The following HMCN2 variants were observed in gnomAD, a reference collection of about 807,000 sequenced individuals.
HMCN2 encodes the protein hemicentin-2.
Under a neutral mutation model 377.5 loss-of-function variants are expected in HMCN2, and 325 were observed. That is an observed-to-expected ratio of 0.86 (90% CI 0.79 to 0.94). The LOEUF (loss-of-function observed/expected upper bound fraction) is 0.94, where lower values mean the gene tolerates loss of function less well. Among genes scored for constraint, HMCN2 ranks in the 40% least tolerant of loss-of-function variants. HMCN2 has a pLI of 0.00. For synonymous variants in HMCN2, 2,007 were observed against 2,046.8 expected, an observed-to-expected ratio of 0.98 and a Z score of 0.53; for missense variants, 4,543 against 4,725.3, an observed-to-expected ratio of 0.96 and a Z score of 1.13.
chr9:130,385,869 C>A, intron 60 of HMCN2, 107 bp downstream of exon 60: 1 of 723,122 alleles, frequency 1.4e-6, no homozygotes, highest in Non-Finnish European at 2.0e-6. Context: ...GTTGCTGCCT[C>A]CTTGGCCTGT....
intron 22 of HMCN2, among the ~76,000 whole-genome samples, 163 bp downstream of exon 22, chr9:130,327,638 A>T (rs985557727): frequency 2.0e-5 from 3 of 152,298 alleles, no homozygotes; most frequent in Non-Finnish European, 4.4e-5. Flanking sequence ...GGGCCCCAGA[A>T]GCCTGGAAGG....
At position 130,408,902 on chromosome 9, in the gene HMCN2, A is replaced by C; in HGVS notation, c.12848A>C (p.Gln4283Pro). Residue 4283 changes from glutamine to proline, a missense_variant, in exon 84 of 98, where the codon CAG (glutamine) becomes CCG (proline). Gln to Pro is a moderately conservative substitution (Grantham distance 76). Transcript: ENST00000683500. ...LRGSHLRHQL[Q>P]NGSLTIRRTE... ...GGCAGCCACCTCCGGCACCAGCTGC[A>C]GAATGGCTCGCTGACCATCCGCAGG... 1 of 1,289,722 alleles carries C rather than the reference A, an allele frequency of 7.8e-7. No homozygotes were observed. Among genetic ancestry groups the C allele is most frequent in the South Asian group, 1.2e-5 (1 of 81,018 alleles). 79.9% of individuals were successfully genotyped at this position (1,289,722 alleles called of 1,614,324 possible). A position where few individuals can be genotyped will look rare whatever the true frequency, so the allele number is the denominator to read the frequency against.
At position 130,377,737 on chromosome 9, in the gene HMCN2, A is replaced by G; in HGVS notation, c.8150A>G (p.Tyr2717Cys). ...QPTQVSDSGR[Y>C]LCVATNVAGE... ...ACACAGGTCTCAGACTCGGGGCGGT[A>G]CCTGTGTGTGGCCACCAATGTGGCT... The change falls in exon 53 of 98, where the codon TAC becomes TGC. Residue 2717 changes from tyrosine to cysteine, a missense_variant. Coordinates refer to ENST00000683500, the MANE Select transcript of HMCN2 (RefSeq NM_001291815.2). The G allele has an allele frequency of 1.0e-6, 1 of 985,888 alleles. No homozygotes were observed. Among genetic ancestry groups the G allele is most frequent in the South Asian group, 4.7e-5 (1 of 21,282 alleles). 61.1% of individuals were successfully genotyped at this position (985,888 alleles called of 1,614,324 possible).
At chr9:130,410,479 C>A (rs986328366) in intron 84 of HMCN2, 92 bp from the exon 85 acceptor site, 22 of 1,190,310 alleles carry the variant, frequency 1.8e-5, no homozygotes, top group Non-Finnish European at 9.7e-6. Flanking sequence ...AAGCCCCTTG[C>A]TGGCTGGCTG....
In HMCN2 at chr9:130,307,439, T is replaced by C. The variant is rs533773859; in HGVS notation, c.2087-14T>C. 49 of 470,874 alleles carry C rather than the reference T, an allele frequency of 1.0e-4. No homozygotes were observed. The highest frequency in any genetic ancestry group is 7.3e-4 in the South Asian group (47 of 64,548). The allele number at this position is 470,874 out of a possible 1,614,324, so 29.2% of individuals were successfully genotyped here. On this transcript the variant is annotated splice_polypyrimidine_tract_variant and intron_variant, in intron 13 of 97. Coordinates refer to ENST00000683500, the MANE Select transcript of HMCN2 (RefSeq NM_001291815.2). ...GAAGGTTGGTCCCAAATTCTGCATC[T>C]CTTCCCCACACAGACCCACCGTCGG... is the stretch of plus-strand genomic sequence containing the variant.
At chr9:130,288,515 G>A (rs182122859) in intron 4 of HMCN2, among the ~76,000 whole-genome samples, 75 of 152,356 alleles carry the variant, frequency 4.9e-4, no homozygotes, top group Admixed American at 3.5e-3. Context: ...CAGGAGAGAT[G>A]AACGGTGCCT....
chr9:130,388,648 A>G, intron 62 of HMCN2, 108 bp downstream of exon 62: 1 of 791,992 alleles, frequency 1.3e-6, no homozygotes, highest in Non-Finnish European at 1.5e-6. Flanking sequence ...TCTTGGCAAA[A>G]CCAGAGACTG....
Position 130,405,984 on chromosome 9 carries a change from C to T in HMCN2, c.12369C>T (p.Thr4123=), listed in dbSNP as rs531642727. Residue 4123 remains threonine (T), a synonymous_variant, in exon 82 of 98, where the codon ACC becomes ACT. Transcript: ENST00000683500. The part of the protein sequence containing the change: ...EGQDAGTYTC[T]AENAVGRARR... ...AGGACGCAGGCACCTATACCTGTAC[C>T]GCTGAGAACGCCGTGGGCCGGGCCC... 9.0e-5 allele frequency: 116 copies of T among 1,289,548 alleles called. No individual in the cohort carries two copies. The South Asian group carries it at 9.8e-4, about 11-fold the overall frequency. The allele number at this position is 1,289,548 out of a possible 1,614,324, so 79.9% of individuals were successfully genotyped here.
chr9:130,377,906 C>A, intron 53 of HMCN2, 107 bp downstream of exon 53: 1 of 853,592 alleles, frequency 1.2e-6, no homozygotes, highest in Non-Finnish European at 1.4e-6. Flanking sequence ...CACGCGCCAC[C>A]CGTGGCATCT....
chr9:130,354,001 C>T (rs377741225), intron 31 of HMCN2, among the ~76,000 whole-genome samples: 28 of 152,232 alleles, frequency 1.8e-4, no homozygotes, highest in African/African-American at 5.3e-4. Context: ...ATGGGCTCCA[C>T]GGCAGCCTCT....
chr9:130,362,103 C>T lies in HMCN2; in HGVS notation c.6046C>T (p.Pro2016Ser), dbSNP rs938076359. The change falls in exon 39 of 98, where the codon CCC (proline) becomes TCC (serine). Residue 2016 changes from proline to serine, a missense_variant. By Grantham distance (74) the Pro-to-Ser change is moderately conservative (BLOSUM62 -1). Coordinates refer to ENST00000683500, the MANE Select transcript of HMCN2 (RefSeq NM_001291815.2). ...CTGCAATGCCACCGGTGCCCCCAGC[C>T]CCACACTGATGTGGCTGAAGGATGG... ...LTCNATGAPSPTLMWLKDGNP... is the reference protein window; with the variant it reads ...LTCNATGAPSSTLMWLKDGNP... 2 of 985,922 alleles carry T rather than the reference C, an allele frequency of 2.0e-6. No homozygotes were observed. The highest frequency in any genetic ancestry group is 3.5e-5 in the African/African-American group (2 of 57,268). The allele number at this position is 985,922 out of a possible 1,614,324, so 61.1% of individuals were successfully genotyped here.
chr9:130,380,792 GAA>G (rs1317555185), intron 54 of HMCN2, among the ~76,000 whole-genome samples: 3 of 90,584 alleles, frequency 3.3e-5, no homozygotes, highest in Non-Finnish European at 4.8e-5. Context: ...CTCAAAAAAA[GAA>G]AAAAAAAAAA....
chr9:130,348,516 G>T (rs1435442251), intron 26 of HMCN2, 29 bp from the exon 27 acceptor site: 1 of 1,301,318 alleles, frequency 7.7e-7, no homozygotes, highest in Non-Finnish European at 1.0e-6. Flanking sequence ...GGGCAGGGAA[G>T]CAGCTCCTCG....
Position 130,303,530 on chromosome 9 carries a change from G to C in HMCN2, c.1465G>C (p.Ala489Pro), listed in dbSNP as rs1429294335. 2.3e-6 allele frequency: 1 copy of C among 437,844 alleles called. No homozygotes were observed. The highest frequency in any genetic ancestry group is 4.8e-6 in the Non-Finnish European group (1 of 209,832). 27.1% of individuals were successfully genotyped at this position (437,844 alleles called of 1,614,324 possible). A position where few individuals can be genotyped will look rare whatever the true frequency, so the allele number is the denominator to read the frequency against. ...CTGGGAGATCCTGCGGGCCTCCAAG[G>C]CCGAGGAGGGCACGTACGAGTGCAC... is the stretch of plus-strand genomic sequence containing the variant. ...SSWEILRASKAEEGTYECTAV... is the reference protein window; with the variant it reads ...SSWEILRASKPEEGTYECTAV... Residue 489 changes from alanine (A) to proline (P), a missense_variant, in exon 10 of 98, where the codon GCC (alanine) becomes CCC (proline). Around this residue, in one of 5 missense-constraint regions of HMCN2, gnomAD observed 547 missense variants for 189.9 expected, o/e 2.88. Transcript: ENST00000683500. This position sits in a 1 kb window ranked among gnomAD's most constrained non-coding sequence, Gnocchi z 5.2.
rs1314118505 is a variant in HMCN2 at position 130,430,505 on chromosome 9, C to G, written c.14548C>G (p.His4850Asp). Residue 4850 changes from histidine (H) to aspartate (D), a missense_variant, in exon 95 of 98, where the codon CAC becomes GAC. By Grantham distance (81) the His-to-Asp change is moderately conservative. Transcript: ENST00000683500. ...GGCCTCGATCCCCGGTACCTCCTACCACGCCTGGGTCTCTCTCCGTCCGGG... is the reference window on the plus strand; with the variant it reads ...GGCCTCGATCCCCGGTACCTCCTACGACGCCTGGGTCTCTCTCCGTCCGGG... ...PWASIPGTSY[H>D]AWVSLRPGPM... is the part of the protein sequence containing the mutation. 1 of 1,550,502 alleles carries G rather than the reference C, an allele frequency of 6.4e-7. No homozygotes were observed. Among genetic ancestry groups the G allele is most frequent in the Non-Finnish European group, 8.7e-7 (1 of 1,146,988 alleles).
chr9:130,403,811 CTA>C lies in HMCN2; in HGVS notation c.12086_12087del (p.Tyr4029SerfsTer5), dbSNP rs1842965193. On this transcript the variant is annotated frameshift_variant, in exon 80 of 98. Transcript: ENST00000683500. LOFTEE classifies it high-confidence loss of function. ...ATGCCAGCCCAGAGGATGCTGGAAA[CTA>C]TCTCTGCATCGCTAAGAACAGTGCG... The part of the protein sequence containing the change: ...AHASPEDAGN[Y>X]LCIAKNSAGS... The C allele has an allele frequency of 7.8e-7, 1 of 1,289,704 alleles. No individual in the cohort carries two copies. Among genetic ancestry groups the C allele is most frequent in the African/African-American group, 1.5e-5 (1 of 65,860 alleles). The allele number at this position is 1,289,704 out of a possible 1,614,324, so 79.9% of individuals were successfully genotyped here. A position where few individuals can be genotyped will look rare whatever the true frequency, so the allele number is the denominator to read the frequency against.
At chr9:130,416,090 T>C (rs763270276) in intron 85 of HMCN2, among the ~76,000 whole-genome samples, 41 of 144,116 alleles carry the variant, frequency 2.8e-4, no homozygotes, top group Non-Finnish European at 4.4e-4. Flanking sequence ...TCCAAAGTTC[T>C]AGAGGCTTTA....
In HMCN2 at chr9:130,422,143, T is replaced by C. The variant is rs1176368765; in HGVS notation, c.13232-434T>C. ...CACTGATGGAATGGGGCTGTTCAGG[T>C]GATGGCACCCGGCTCTGGCTCGGTG... On this transcript the variant is annotated intron_variant, in intron 86 of 97. Coordinates refer to ENST00000683500, the MANE Select transcript of HMCN2 (RefSeq NM_001291815.2). The surrounding 1 kb of genome is among the most constrained non-coding windows in gnomAD (Gnocchi z 4.2). 6.6e-6 allele frequency among the ~76,000 whole-genome samples: 1 copy of C among 152,162 alleles called. No individual in the cohort carries two copies. The highest frequency in any genetic ancestry group is 2.4e-5 in the African/African-American group (1 of 41,440).
rs572763368 is a variant in HMCN2 at position 130,271,523 on chromosome 9, C to CG, written c.259+5389dup. 4.0e-5 allele frequency among the ~76,000 whole-genome samples: 6 copies of CG among 149,352 alleles called. No individual in the cohort carries two copies. The East Asian group carries it at 1.2e-3, about 29-fold the overall frequency. On this transcript the variant is annotated intron_variant, in intron 1 of 97. Transcript: ENST00000683500. ...CTCAAATGTTTCTGACTGTGGTCAT[C>CG]GGGAGCTCGTTCAGTTGGTTTCTGT...
Sources: gnomAD v4.1 joint callset for allele counts (sites outside exome capture counted in the v4.1 genomes callset) on GRCh38, gnomAD v4.1.1 for gene constraint, gnomAD v4.1.1 regional missense constraint, Gnocchi (gnomAD v3.1) non-coding constraint, MANE v1.5 for transcripts, NCBI Gene and HGNC (gene_info 2026-07-23, HGNC 2026-07-21) for gene names.